The following MED12L variants were observed in gnomAD, a reference collection of about 807,000 sequenced individuals.
MED12L encodes the protein mediator of RNA polymerase II transcription subunit 12-like protein.
In MED12L, 60 loss-of-function variants were observed where a neutral mutation model predicts 281.3. The observed-to-expected ratio is 0.21, with a 90% CI of 0.17 to 0.26. The LOEUF is 0.26. Among genes scored for constraint, MED12L ranks in the 10% least tolerant of loss-of-function variants. MED12L has a pLI of 1.00. For synonymous variants in MED12L, 974 were observed against 987.2 expected, an observed-to-expected ratio of 0.99 and a Z score of 0.25; for missense variants, 2,146 against 2,680.9, an observed-to-expected ratio of 0.80 and a Z score of 4.41.
chr3:151,112,464 T>G (rs1362298961), intron 2 of MED12L, among the ~76,000 whole-genome samples: 1 of 152,074 alleles, frequency 6.6e-6, no homozygotes, highest in Non-Finnish European at 1.5e-5. Context: ...AGAGGCTGAT[T>G]GTGACTCTGG....
intron 2 of MED12L, among the ~76,000 whole-genome samples, chr3:151,112,113 G>T (rs573565818): frequency 6.6e-6 from 1 of 152,162 alleles, no homozygotes; most frequent in African/African-American, 2.4e-5. Context: ...AGACTATTTT[G>T]TTAGTTTGAA....
chr3:151,384,915 C>T (rs1019554275), intron 35 of MED12L, 115 bp from the exon 36 acceptor site: 15 of 715,626 alleles, frequency 2.1e-5, no homozygotes, highest in African/African-American at 5.4e-5. Flanking sequence ...AAAGAACATG[C>T]GCTAAGCTAT....
At chr3:151,391,077 T>C (rs1176554878) in intron 38 of MED12L, among the ~76,000 whole-genome samples, 1 of 152,194 alleles carries the variant, frequency 6.6e-6, no homozygotes, top group Admixed American at 6.5e-5. Flanking sequence ...TTCAAGAATG[T>C]ATTGAGCTTC....
intron 2 of MED12L, among the ~76,000 whole-genome samples, chr3:151,106,511 A>T (rs1722092002): frequency 6.6e-6 from 1 of 151,958 alleles, no homozygotes; most frequent in Admixed American, 6.6e-5. Flanking sequence ...TACTGTTCTT[A>T]TGATAAAGAC....
At chr3:151,366,974 G>C (rs1219502309) in intron 23 of MED12L, among the ~76,000 whole-genome samples, 1 of 152,144 alleles carries the variant, frequency 6.6e-6, no homozygotes, top group African/African-American at 2.4e-5. Flanking sequence ...ATTTTTGCAA[G>C]TTAACCATAG....
chr3:151,228,742 AGCTCTGCATC>A (rs1731026313), intron 16 of MED12L, among the ~76,000 whole-genome samples: 1 of 152,172 alleles, frequency 6.6e-6, no homozygotes, highest in South Asian at 2.1e-4. Flanking sequence ...AGTGGCACAA[AGCTCTGCATC>A]ACTCCTGGCT....
intron 30 of MED12L, among the ~76,000 whole-genome samples, chr3:151,377,393 A>T (rs113007961): frequency 6.6e-6 from 1 of 152,212 alleles, no homozygotes; most frequent in Non-Finnish European, 1.5e-5. Context: ...TTGAAACTGC[A>T]GGTGAACTCA....
chr3:151,197,613 C>T (rs1330557438), intron 16 of MED12L, among the ~76,000 whole-genome samples: 2 of 152,264 alleles, frequency 1.3e-5, no homozygotes, highest in Middle Eastern at 3.4e-3. Flanking sequence ...GCTGTTTTAC[C>T]ATTGATGTGC....
intron 16 of MED12L, among the ~76,000 whole-genome samples, chr3:151,287,823 T>G (rs1199828358): frequency 1.3e-5 from 2 of 152,244 alleles, no homozygotes; most frequent in African/African-American, 4.8e-5. Flanking sequence ...TATATCTATA[T>G]ATCTACAGTT....
intron 16 of MED12L, among the ~76,000 whole-genome samples, chr3:151,235,906 T>G (rs1732673345): frequency 3.3e-5 from 5 of 152,126 alleles, no homozygotes; most frequent in Admixed American, 3.3e-4. Flanking sequence ...CTCTAGCCTC[T>G]TACCACGTTT....
At chr3:151,328,182 G>C in intron 16 of MED12L, 1 of 1,612,756 alleles carries the variant, frequency 6.2e-7, no homozygotes, top group Non-Finnish European at 8.5e-7. Context: ...AGTTGATTTT[G>C]CAGTCTACAG....
In MED12L at chr3:151,388,093, A is replaced by G. The variant is rs138249004; in HGVS notation, c.5372A>G (p.Asp1791Gly). 251 of 1,613,786 alleles carry G rather than the reference A, an allele frequency of 1.6e-4. No homozygotes were observed. The highest frequency in any genetic ancestry group is 2.0e-4 in the Non-Finnish European group (234 of 1,180,006). The change falls in exon 37 of 45, where the codon GAT becomes GGT. Residue 1791 changes from aspartate (D) to glycine (G), a missense_variant. Physicochemically the swap from Asp to Gly is moderately conservative, Grantham distance 94. Coordinates refer to ENST00000687756, the MANE Select transcript of MED12L (RefSeq NM_001393769.1). Reference protein sequence around the residue: ...EPERKSAELSDQGKTTTDEEK... With the variant: ...EPERKSAELSGQGKTTTDEEK... ...GAAAGGAAGTCCGCTGAGCTGTCAG[A>G]TCAGGGAAAAACCACAACAGATGAA... is the stretch of plus-strand genomic sequence containing the variant.
At position 151,355,181 on chromosome 3, in the gene MED12L, C is replaced by T; in HGVS notation, c.2459C>T (p.Thr820Ile). The T allele has an allele frequency of 6.2e-7, 1 of 1,613,990 alleles. No individual in the cohort carries two copies. The highest frequency in any genetic ancestry group is 2.2e-5 in the East Asian group (1 of 44,838). The change falls in exon 18 of 45, where the codon ACT (threonine) becomes ATT (isoleucine). Residue 820 changes from threonine to isoleucine, a missense_variant. Thr to Ile is a moderately conservative substitution (Grantham distance 89). This residue lies in a region of MED12L where 404 missense variants were observed against 603.5 expected (regional missense o/e 0.67). Coordinates refer to ENST00000687756, the MANE Select transcript of MED12L (RefSeq NM_001393769.1). ...CAGGAGACATTTCCAACACTGGAGA[C>T]TGTGTTCACTAAACTCCAGCTCCTT... is the stretch of plus-strand genomic sequence containing the variant. ...NKQETFPTLE[T>I]VFTKLQLLSY...
intron 5 of MED12L, among the ~76,000 whole-genome samples, chr3:151,154,018 A>G (rs899804053): frequency 6.6e-6 from 1 of 152,178 alleles, no homozygotes. Context: ...TGAGTTGAAA[A>G]TAGGCCCGTC....
intron 16 of MED12L, among the ~76,000 whole-genome samples, chr3:151,344,870 G>A (rs887619486): frequency 6.6e-6 from 1 of 152,132 alleles, no homozygotes; most frequent in African/African-American, 2.4e-5. Context: ...ATAATACACA[G>A]CTCTGATCAT....
intron 16 of MED12L, among the ~76,000 whole-genome samples, chr3:151,229,571 C>T (rs1446982592): frequency 2.0e-5 from 3 of 150,330 alleles, no homozygotes; most frequent in Admixed American, 6.7e-5. Flanking sequence ...ATCCGCCTCC[C>T]GGGTTCATGC....
chr3:151,096,937 T>A (rs1180393822), intron 2 of MED12L, among the ~76,000 whole-genome samples: 1 of 152,242 alleles, frequency 6.6e-6, no homozygotes, highest in Non-Finnish European at 1.5e-5. Flanking sequence ...AGCTGGTAAC[T>A]CTTCAGCTCA....
At chr3:151,128,294 G>T (rs1714841467) in intron 5 of MED12L, among the ~76,000 whole-genome samples, 1 of 152,210 alleles carries the variant, frequency 6.6e-6, no homozygotes, top group Admixed American at 6.5e-5. Context: ...CAGCCTTCTA[G>T]CAGCTTTCTC....
chr3:151,225,355 A>C (rs1379543726), intron 16 of MED12L, among the ~76,000 whole-genome samples: 1 of 152,162 alleles, frequency 6.6e-6, no homozygotes, highest in African/African-American at 2.4e-5. Context: ...AATTTGGCTC[A>C]TGGTTCTGGA....
Sources: allele counts gnomAD v4.1 joint callset (sites outside exome capture counted in the v4.1 genomes callset), GRCh38; gene constraint gnomAD v4.1.1; regional missense constraint gnomAD v4.1.1; transcripts MANE v1.5; gene names NCBI Gene and HGNC (gene_info 2026-07-23, HGNC 2026-07-21).